The following OMA1 variants were observed in gnomAD, a reference collection of about 807,000 sequenced individuals.
OMA1 encodes OMA1 zinc metallopeptidase, also known as metalloendopeptidase OMA1, mitochondrial.
OMA1 carries 38 observed loss-of-function variants against 30.9 expected under a neutral mutation model. The observed-to-expected ratio is 1.23, with a 90% CI of 0.95 to 1.61. The LOEUF is 1.61. Ranked by LOEUF, OMA1 falls within the 40% of genes most tolerant of loss-of-function variation. OMA1 has a pLI of 0.00. For missense variants in OMA1, 461 were observed against 349.2 expected (o/e 1.32, Z -2.55); for synonymous variants, 173 against 121.9 (o/e 1.42, Z -2.76).
intron 8 of OMA1, 113 bp downstream of exon 8, chr1:58,505,947 A>C: frequency 1.7e-6 from 1 of 603,902 alleles, no homozygotes; most frequent in Non-Finnish European, 2.9e-6. Flanking sequence ...TAATTATAGT[A>C]ATCAAAATAG....
At chr1:58,519,767 T>C (rs1014808763) in intron 7 of OMA1, among the ~76,000 whole-genome samples, 1 of 151,950 alleles carries the variant, frequency 6.6e-6, no homozygotes. Context: ...GATTAACATA[T>C]TCAAGAAAAT....
chr1:58,538,879 G>A lies in OMA1; in HGVS notation c.416C>T (p.Ser139Phe). The change falls in exon 2 of 9, where the codon TCT becomes TTT. Residue 139 changes from serine to phenylalanine, a missense_variant. Transcript: ENST00000371226. ...AACCGGAGCAGCTTGAAACCGTGGA[G>A]AAGTATGGAAATTCCTAATAGCTCT... The part of the protein sequence containing the change: ...SIRAIRNFHT[S>F]PRFQAAPVPL... 1.1e-6 allele frequency: 1 copy of A among 872,810 alleles called. No individual in the cohort carries two copies. Among genetic ancestry groups the A allele is most frequent in the Non-Finnish European group, 2.0e-6 (1 of 501,582 alleles). The allele number at this position is 872,810 out of a possible 1,614,324, so 54.1% of individuals were successfully genotyped here.
At chr1:58,487,254 G>C (rs1364223233) in intron 8 of OMA1, among the ~76,000 whole-genome samples, 1 of 152,212 alleles carries the variant, frequency 6.6e-6, no homozygotes, top group Non-Finnish European at 1.5e-5. Flanking sequence ...ATAGGACACA[G>C]AAGTGAAGGA....
chr1:58,487,065 T>C (rs1294867679), intron 8 of OMA1, among the ~76,000 whole-genome samples: 1 of 152,098 alleles, frequency 6.6e-6, no homozygotes, highest in Non-Finnish European at 1.5e-5. Flanking sequence ...ATATTGAAAA[T>C]AGGTTGTTAG....
At chr1:58,521,541 A>G (rs1236918410) in intron 7 of OMA1, among the ~76,000 whole-genome samples, 4 of 152,140 alleles carry the variant, frequency 2.6e-5, no homozygotes, top group Non-Finnish European at 4.4e-5. Flanking sequence ...AGCAAAAAAA[A>G]GACAAGACAA....
At chr1:58,519,043 C>T (rs1646218697) in intron 7 of OMA1, among the ~76,000 whole-genome samples, 1 of 152,182 alleles carries the variant, frequency 6.6e-6, no homozygotes, top group Non-Finnish European at 1.5e-5. Context: ...ACACTTATTG[C>T]TCGCTTCTTT....
At chr1:58,508,902 G>C (rs934828804) in intron 7 of OMA1, among the ~76,000 whole-genome samples, 1 of 151,128 alleles carries the variant, frequency 6.6e-6, no homozygotes, top group Admixed American at 6.6e-5. Context: ...GGCTGTCCAA[G>C]GGACTGGCTT....
At chr1:58,491,408 A>T (rs1340838514) in intron 8 of OMA1, among the ~76,000 whole-genome samples, 1 of 152,194 alleles carries the variant, frequency 6.6e-6, no homozygotes, top group Non-Finnish European at 1.5e-5. Context: ...AAATTCACAC[A>T]TAACAATATT....
chr1:58,525,165 A>G (rs7544032), intron 7 of OMA1, among the ~76,000 whole-genome samples: 88,663 of 152,092 alleles, frequency 0.58, 28,049 homozygotes, highest in East Asian at 0.82. Flanking sequence ...AAAAATTATA[A>G]AAGACTAATA....
chr1:58,541,653 A>G (rs905242710), intron 1 of OMA1: 9 of 150,316 alleles, frequency 6.0e-5, no homozygotes, highest in Admixed American at 6.0e-4. Flanking sequence ...CAAAAACAAA[A>G]AACAAAAAAA....
chr1:58,490,734 A>G (rs1645666678), intron 8 of OMA1, among the ~76,000 whole-genome samples: 1 of 149,838 alleles, frequency 6.7e-6, no homozygotes, highest in South Asian at 2.1e-4. Flanking sequence ...TCAGACTAAC[A>G]GCGGATCTCT....
intron 7 of OMA1, among the ~76,000 whole-genome samples, chr1:58,520,344 T>C (rs1646242982): frequency 6.6e-6 from 1 of 152,154 alleles, no homozygotes; most frequent in Admixed American, 6.5e-5. Context: ...AGCACTTATG[T>C]GAAAAACTCC....
intron 8 of OMA1, among the ~76,000 whole-genome samples, chr1:58,482,442 A>C (rs1480534003): frequency 6.6e-6 from 1 of 152,222 alleles, no homozygotes. Flanking sequence ...TATATGGATA[A>C]TTTTAAGATA....
At chr1:58,512,946 C>T (rs1646104255) in intron 7 of OMA1, among the ~76,000 whole-genome samples, 1 of 152,116 alleles carries the variant, frequency 6.6e-6, no homozygotes, top group African/African-American at 2.4e-5. Flanking sequence ...AAAATAAAGG[C>T]ATTTTTAAAA....
chr1:58,534,836 T>C (rs1399144488), intron 3 of OMA1, among the ~76,000 whole-genome samples: 1 of 152,136 alleles, frequency 6.6e-6, no homozygotes, highest in Non-Finnish European at 1.5e-5. Context: ...CATGGGAGGC[T>C]GAAGTGGGAG....
At chr1:58,524,919 T>C (rs1479057986) in intron 7 of OMA1, among the ~76,000 whole-genome samples, 1 of 152,198 alleles carries the variant, frequency 6.6e-6, no homozygotes, top group African/African-American at 2.4e-5. Context: ...GATTAGTGTC[T>C]TCTGGTGTTT....
intron 8 of OMA1, among the ~76,000 whole-genome samples, chr1:58,494,446 C>G (rs1345251847): frequency 6.6e-6 from 1 of 152,134 alleles, no homozygotes; most frequent in Non-Finnish European, 1.5e-5. Flanking sequence ...AGAGCTTCTG[C>G]ACAGCAAAAG....
intron 8 of OMA1, among the ~76,000 whole-genome samples, chr1:58,494,689 C>T (rs1245964497): frequency 6.6e-6 from 1 of 151,984 alleles, no homozygotes; most frequent in African/African-American, 2.4e-5. Context: ...CACTGGCCAT[C>T]AGAGAAATGC....
chr1:58,506,811 CCAATTTTCT>C (rs1199211016), intron 7 of OMA1, among the ~76,000 whole-genome samples: 2 of 151,968 alleles, frequency 1.3e-5, no homozygotes, highest in Admixed American at 1.3e-4. Context: ...ATCAATTTAC[CCAATTTTCT>C]CAATGTATAT....
Sources: allele counts gnomAD v4.1 joint callset (sites outside exome capture counted in the v4.1 genomes callset), GRCh38; gene constraint gnomAD v4.1.1; transcripts MANE v1.5; gene names NCBI Gene and HGNC (gene_info 2026-07-23, HGNC 2026-07-21).